Variants in TRERF1 observed in about 807,000 individuals in gnomAD.
TRERF1 encodes the protein transcriptional regulating factor 1, also known as transcriptional-regulating factor 1.
A neutral mutation model predicts 122.9 loss-of-function variants in TRERF1; 27 were observed. The ratio of observed to expected loss-of-function variants is 0.22; its 90% confidence interval spans 0.16 to 0.30. The LOEUF is 0.30. Among genes scored for constraint, TRERF1 ranks in the 10% least tolerant of loss-of-function variants. The pLI is 1.00. For synonymous variants in TRERF1, 636 were observed against 641.7 expected, an observed-to-expected ratio of 0.99 and a Z score of 0.13; for missense variants, 1,248 against 1,560.3, an observed-to-expected ratio of 0.80 and a Z score of 3.37.
chr6:42,314,787 C>T (rs1296820038), intron 3 of TRERF1, among the ~76,000 whole-genome samples: 1 of 152,062 alleles, frequency 6.6e-6, no homozygotes, highest in Non-Finnish European at 1.5e-5. Context: ...GTGGTGGGTA[C>T]ATGCCGGATG....
At chr6:42,318,686 G>A (rs976482139) in intron 3 of TRERF1, among the ~76,000 whole-genome samples, 3 of 152,224 alleles carry the variant, frequency 2.0e-5, no homozygotes, top group Non-Finnish European at 4.4e-5. Flanking sequence ...TTAGAACATA[G>A]CCACACCCAT....
Position 42,324,700 on chromosome 6 carries a change from T to C in TRERF1, c.-370-23951A>G, listed in dbSNP as rs757806729. Among the ~76,000 whole-genome samples the C allele has an allele frequency of 1.4e-4, 21 of 152,186 alleles. No individual in the cohort carries two copies. In the South Asian group the frequency reaches 1.7e-3, roughly 12 times the overall value. On this transcript the variant is annotated intron_variant, in intron 3 of 17. Transcript: ENST00000372922. ...GTGCTCAGAAAACTAGCTAACCATA[T>C]GCAGAAGATTAAAACTGGACCCCTA... is the stretch of plus-strand genomic sequence containing the variant.
intron 3 of TRERF1, among the ~76,000 whole-genome samples, chr6:42,303,735 T>G (rs1052957603): frequency 6.6e-6 from 1 of 151,618 alleles, no homozygotes; most frequent in Non-Finnish European, 1.5e-5. Context: ...GGCAACATGG[T>G]GAAACCCCAT....
At chr6:42,327,306 G>T (rs1764461645) in intron 3 of TRERF1, among the ~76,000 whole-genome samples, 1 of 152,208 alleles carries the variant, frequency 6.6e-6, no homozygotes, top group Admixed American at 6.5e-5. Flanking sequence ...ACCCAGAGGA[G>T]GAGCTGGGGG....
chr6:42,406,228 C>T (rs1562148170), intron 2 of TRERF1, among the ~76,000 whole-genome samples: 2 of 152,208 alleles, frequency 1.3e-5, no homozygotes, highest in African/African-American at 4.8e-5. Context: ...CCAGGTCCCA[C>T]ATCCTATCAA....
intron 3 of TRERF1, among the ~76,000 whole-genome samples, chr6:42,314,918 C>T (rs1025424654): frequency 5.9e-5 from 9 of 152,060 alleles, no homozygotes; most frequent in African/African-American, 1.2e-4. Context: ...CTTGATGGAG[C>T]GAATAGGTTG....
intron 3 of TRERF1, among the ~76,000 whole-genome samples, chr6:42,359,071 G>A (rs945314521): frequency 1.3e-5 from 2 of 152,072 alleles, no homozygotes; most frequent in African/African-American, 2.4e-5. Flanking sequence ...CCCCTCCATC[G>A]TCAAAGCCTC....
At chr6:42,384,101 T>C (rs1776398826) in intron 2 of TRERF1, among the ~76,000 whole-genome samples, 1 of 152,070 alleles carries the variant, frequency 6.6e-6, no homozygotes, top group Non-Finnish European at 1.5e-5. Flanking sequence ...GAGATGCTTT[T>C]ACCAGTAATT....
At chr6:42,385,382 A>G (rs761690587) in intron 2 of TRERF1, among the ~76,000 whole-genome samples, 1 of 152,210 alleles carries the variant, frequency 6.6e-6, no homozygotes, top group Admixed American at 6.5e-5. Flanking sequence ...GTTCTTCCTC[A>G]AAATTACCTT....
intron 3 of TRERF1, among the ~76,000 whole-genome samples, chr6:42,323,851 A>C (rs953353835): frequency 5.9e-5 from 9 of 152,166 alleles, no homozygotes; most frequent in Non-Finnish European, 1.0e-4. Flanking sequence ...CCACAGGAGG[A>C]GTGAGAGATG....
chr6:42,268,380 T>C lies in TRERF1; in HGVS notation c.1211A>G (p.Asp404Gly). ...ACTAGAGTAGGTCTTCAGCTGACTGTCCTCACGCTGCTGGTGCTGGGACAG... is the reference window on the plus strand; with the variant it reads ...ACTAGAGTAGGTCTTCAGCTGACTGCCCTCACGCTGCTGGTGCTGGGACAG... Residue 404 changes from aspartate (D) to glycine (G), a missense_variant, in exon 5 of 18, where the codon GAC becomes GGC. Physicochemically the swap from Asp to Gly is moderately conservative, Grantham distance 94. Transcript: ENST00000372922. The surrounding 1 kb of genome is among the most constrained non-coding windows in gnomAD (Gnocchi z 4.4). 6.5e-7 allele frequency: 1 copy of C among 1,539,280 alleles called. No individual in the cohort carries two copies. The highest frequency in any genetic ancestry group is 8.7e-7 in the Non-Finnish European group (1 of 1,144,516).
At chr6:42,417,467 C>T (rs1230124078) in intron 2 of TRERF1, among the ~76,000 whole-genome samples, 1 of 152,188 alleles carries the variant, frequency 6.6e-6, no homozygotes, top group Non-Finnish European at 1.5e-5. Flanking sequence ...AGTGTGTCAC[C>T]TGAGTGAAGG....
intron 2 of TRERF1, among the ~76,000 whole-genome samples, chr6:42,373,535 C>T (rs1017663611): frequency 6.6e-5 from 10 of 152,110 alleles, no homozygotes; most frequent in Non-Finnish European, 1.2e-4. Flanking sequence ...GGTGTGGTGG[C>T]GGGCACCTGT....
rs994653667 is a variant in TRERF1 at position 42,254,770 on chromosome 6, A to C, written c.2656+81T>G. On this transcript the variant is annotated intron_variant, in intron 13 of 17. Transcript: ENST00000372922. ...GATTAGGACAGAACCGGTGTTATCC[A>C]TTGCTAGAAAGTGACACAACCGAAC... 3 of 1,313,606 alleles carry C rather than the reference A, an allele frequency of 2.3e-6. No individual in the cohort carries two copies. In the Admixed American group the frequency reaches 5.1e-5, roughly 22 times the overall value. The allele number at this position is 1,313,606 out of a possible 1,614,324, so 81.4% of individuals were successfully genotyped here. A position where few individuals can be genotyped will look rare whatever the true frequency, so the allele number is the denominator to read the frequency against.
At chr6:42,437,101 T>G (rs1413226014) in intron 2 of TRERF1, among the ~76,000 whole-genome samples, 3 of 152,004 alleles carry the variant, frequency 2.0e-5, no homozygotes, top group Non-Finnish European at 4.4e-5. Flanking sequence ...TAGTTAATCT[T>G]CCTAATAACC....
At position 42,306,064 on chromosome 6, in the gene TRERF1, C is replaced by T. The variant is rs546097308; in HGVS notation, c.-370-5315G>A. On this transcript the variant is annotated intron_variant, in intron 3 of 17. Transcript: ENST00000372922. ...TCTCCCAGGCTGGAGTGCAGTGGCG[C>T]GATCTCGGCTCACTGCAACCTCTGT... Among the ~76,000 whole-genome samples the T allele has an allele frequency of 3.2e-3, 425 of 131,764 alleles. 3 individuals carry two copies. Among genetic ancestry groups the T allele is most frequent in the African/African-American group, 9.1e-3 (326 of 35,706 alleles). The allele number at this position is 131,764 out of a possible 152,430, so 86.4% of individuals were successfully genotyped here. A position where few individuals can be genotyped will look rare whatever the true frequency, so the allele number is the denominator to read the frequency against.
intron 4 of TRERF1, among the ~76,000 whole-genome samples, chr6:42,284,722 T>C (rs1349052246): frequency 6.6e-6 from 1 of 152,220 alleles, no homozygotes; most frequent in Non-Finnish European, 1.5e-5. Flanking sequence ...CACTCAGTTA[T>C]GTAGAGGCTG....
At chr6:42,335,283 G>A (rs1472069284) in intron 3 of TRERF1, among the ~76,000 whole-genome samples, 2 of 152,170 alleles carry the variant, frequency 1.3e-5, no homozygotes, top group East Asian at 3.9e-4. Context: ...CCAATAGCTC[G>A]AGGTAGGGCA....
At chr6:42,237,648 G>A (rs1772555135) in intron 15 of TRERF1, among the ~76,000 whole-genome samples, 1 of 152,156 alleles carries the variant, frequency 6.6e-6, no homozygotes, top group Admixed American at 6.5e-5. Context: ...CCCTGACAGT[G>A]ATATAAGTCT....
Sources: allele counts gnomAD v4.1 joint callset (sites outside exome capture counted in the v4.1 genomes callset), GRCh38; gene constraint gnomAD v4.1.1; non-coding constraint Gnocchi (gnomAD v3.1); transcripts MANE v1.5; gene names NCBI Gene and HGNC (gene_info 2026-07-23, HGNC 2026-07-21).